The following GLIS3 variants were observed in gnomAD, a reference collection of about 807,000 sequenced individuals.
The protein encoded by GLIS3 is zinc finger protein GLIS3.
In GLIS3, 53 loss-of-function variants were observed where a neutral mutation model predicts 78.6. The ratio of observed to expected loss-of-function variants is 0.67; its 90% CI spans 0.54 to 0.85. The LOEUF (loss-of-function observed/expected upper bound fraction) is 0.85. Ranked by LOEUF, GLIS3 falls within the 40% of genes least tolerant of loss-of-function variation. The pLI is 0.00. For synonymous variants in GLIS3, 684 were observed against 509.9 expected, an observed-to-expected ratio of 1.34 and a Z score of -4.60; for missense variants, 1,703 against 1,231.1, an observed-to-expected ratio of 1.38 and a Z score of -5.74.
intron 2 of GLIS3, among the ~76,000 whole-genome samples, chr9:4,175,456 A>C (rs1272565535): frequency 6.6e-6 from 1 of 151,834 alleles, no homozygotes; most frequent in Non-Finnish European, 1.5e-5. Flanking sequence ...ACATAATAAA[A>C]AGCTGGACCT....
intron 7 of GLIS3, among the ~76,000 whole-genome samples, chr9:3,883,811 A>G (rs927038099): frequency 6.6e-6 from 1 of 152,212 alleles, no homozygotes; most frequent in Non-Finnish European, 1.5e-5. Flanking sequence ...CAGCAGAGGA[A>G]CATATTGGAA....
intron 7 of GLIS3, among the ~76,000 whole-genome samples, chr9:3,890,515 GAGAAA>G (rs908275447): frequency 1.4e-4 from 22 of 152,144 alleles, no homozygotes; most frequent in African/African-American, 5.1e-4. Context: ...AAGAAAAAAA[GAGAAA>G]AGAACATGAG....
intron 8 of GLIS3, among the ~76,000 whole-genome samples, chr9:3,860,629 A>C (rs546592197): frequency 6.6e-6 from 1 of 152,252 alleles, no homozygotes; most frequent in African/African-American, 2.4e-5. Context: ...GGCAAAGGAG[A>C]AGACAGACAG....
chr9:3,846,527 G>C (rs372851454), intron 9 of GLIS3, among the ~76,000 whole-genome samples: 4 of 152,192 alleles, frequency 2.6e-5, no homozygotes, highest in Non-Finnish European at 1.5e-5. Flanking sequence ...AAACAGGGGT[G>C]TCAGTATCAT....
intron 4 of GLIS3, among the ~76,000 whole-genome samples, chr9:4,067,000 C>A: frequency 6.6e-6 from 1 of 152,180 alleles, no homozygotes; most frequent in East Asian, 1.9e-4. Context: ...CAGTGACATG[C>A]AGCCAGACCC....
At chr9:4,085,842 T>C (rs373535585) in intron 4 of GLIS3, among the ~76,000 whole-genome samples, 2 of 152,238 alleles carry the variant, frequency 1.3e-5, no homozygotes, top group African/African-American at 4.8e-5. Flanking sequence ...CCGCCATGAG[T>C]AGAAACTTCC....
At chr9:4,233,657 G>A (rs1247269632) in intron 2 of GLIS3, among the ~76,000 whole-genome samples, 4 of 152,168 alleles carry the variant, frequency 2.6e-5, no homozygotes, top group Admixed American at 2.6e-4. Context: ...AATGGTAAAT[G>A]AACACTGGCT....
the GLIS3 span, among the ~76,000 whole-genome samples, chr9:4,467,828 A>C: frequency 6.6e-6 from 1 of 152,232 alleles, no homozygotes; most frequent in Non-Finnish European, 1.5e-5. Context: ...GATCGGTAAT[A>C]ACAAACTTCT....
intron 8 of GLIS3, among the ~76,000 whole-genome samples, chr9:3,862,511 C>T (rs939058239): frequency 1.4e-4 from 22 of 152,096 alleles, no homozygotes; most frequent in African/African-American, 5.3e-4. Context: ...ATTTCTTTGT[C>T]AATGTACACA....
At chr9:4,303,512 C>T (rs1256435244), upstream of GLIS3, among the ~76,000 whole-genome samples, 2 of 152,090 alleles carry the variant, frequency 1.3e-5, no homozygotes, top group Non-Finnish European at 2.9e-5. Flanking sequence ...TATGTTCAGC[C>T]CAAACTCTTC....
At chr9:4,123,694 T>C (rs942278821) in intron 3 of GLIS3, 3 of 395,650 alleles carry the variant, frequency 7.6e-6, no homozygotes, top group African/African-American at 6.2e-5. Context: ...ACTAGATCAA[T>C]TTAGTGGAAA....
chr9:4,176,686 C>A (rs1426684143), intron 2 of GLIS3, among the ~76,000 whole-genome samples: 2 of 152,250 alleles, frequency 1.3e-5, no homozygotes, highest in East Asian at 3.9e-4. Flanking sequence ...TGTAATGGTG[C>A]CATCTCAGCT....
intron 2 of GLIS3, among the ~76,000 whole-genome samples, chr9:4,258,170 C>CT (rs1825161742): frequency 6.6e-6 from 1 of 151,968 alleles, no homozygotes; most frequent in Non-Finnish European, 1.5e-5. Flanking sequence ...AAAAATACGT[C>CT]TTTTTTGTTT....
At chr9:4,479,680 TGTGTTG>T in the GLIS3 span, among the ~76,000 whole-genome samples, 3 of 152,092 alleles carry the variant, frequency 2.0e-5, no homozygotes, top group African/African-American at 7.2e-5. Context: ...ACTGCCTTGC[TGTGTTG>T]GTGTTGGTGT....
upstream of GLIS3, among the ~76,000 whole-genome samples, chr9:4,301,754 G>C (rs1485423323): frequency 6.6e-6 from 1 of 152,256 alleles, no homozygotes; most frequent in East Asian, 1.9e-4. Context: ...CCAAATGATG[G>C]GAACAGCTTA....
chr9:4,192,853 G>C (rs1030196157), intron 2 of GLIS3, among the ~76,000 whole-genome samples: 2 of 151,286 alleles, frequency 1.3e-5, no homozygotes, highest in Non-Finnish European at 3.0e-5. Flanking sequence ...GATAAAGAAA[G>C]AGAAAAATAA....
At chr9:4,096,454 C>A (rs892653639) in intron 4 of GLIS3, among the ~76,000 whole-genome samples, 2 of 152,140 alleles carry the variant, frequency 1.3e-5, no homozygotes, top group Admixed American at 6.5e-5. Context: ...TCTCAATGAC[C>A]CTTTCTTTAA....
At chr9:4,239,980 C>T (rs542731144) in intron 2 of GLIS3, among the ~76,000 whole-genome samples, 1 of 152,242 alleles carries the variant, frequency 6.6e-6, no homozygotes, top group Admixed American at 6.5e-5. Context: ...TTTTTTCTAA[C>T]TTCACTTTTT....
chr9:4,385,040 G>T, the GLIS3 span, among the ~76,000 whole-genome samples: 3 of 152,192 alleles, frequency 2.0e-5, no homozygotes, highest in African/African-American at 7.2e-5. Context: ...GAAGTTGCTT[G>T]TAAAACAATA....
Sources: gnomAD v4.1 joint callset for allele counts (sites outside exome capture counted in the v4.1 genomes callset) on GRCh38, gnomAD v4.1.1 for gene constraint, MANE v1.5 for transcripts, NCBI Gene and HGNC (gene_info 2026-07-23, HGNC 2026-07-21) for gene names.